The following PPP1R14C variants were observed in gnomAD, a reference collection of about 807,000 sequenced individuals.
PPP1R14C encodes protein phosphatase 1 regulatory subunit 14C.
PPP1R14C carries 16 observed loss-of-function variants against 20.4 expected under a neutral mutation model. The ratio of observed to expected loss-of-function variants is 0.78; its 90% CI spans 0.53 to 1.19. The LOEUF is 1.19. Ranked by LOEUF, PPP1R14C falls within the 50% of genes most tolerant of loss-of-function variation. The pLI is 0.00. For synonymous variants in PPP1R14C, 91 were observed against 91.0 expected (o/e 1.00, Z 0.00); for missense variants, 211 against 220.1 (o/e 0.96, Z 0.26).
At chr6:150,218,166 G>A (rs1778118470) in intron 3 of PPP1R14C, among the ~76,000 whole-genome samples, 1 of 152,074 alleles carries the variant, frequency 6.6e-6, no homozygotes, top group South Asian at 2.1e-4. Context: ...CACTTTGGGG[G>A]GCCGAGACGG....
intron 1 of PPP1R14C, among the ~76,000 whole-genome samples, chr6:150,169,758 T>C (rs1777476639): frequency 6.6e-6 from 1 of 152,214 alleles, no homozygotes; most frequent in Non-Finnish European, 1.5e-5. Flanking sequence ...CCCCACATCT[T>C]AGTGGCTTAA....
intron 1 of PPP1R14C, among the ~76,000 whole-genome samples, chr6:150,192,549 C>G (rs1027453849): frequency 6.6e-6 from 1 of 152,132 alleles, no homozygotes; most frequent in Non-Finnish European, 1.5e-5. Context: ...CCCAAACAGG[C>G]CATGGACCAG....
chr6:150,202,246 C>T (rs1387946658), intron 1 of PPP1R14C, among the ~76,000 whole-genome samples: 2 of 152,164 alleles, frequency 1.3e-5, no homozygotes, highest in African/African-American at 4.8e-5. Context: ...GGCTTGCCAG[C>T]CTTGAGTCTC....
At chr6:150,174,981 A>AG (rs1222058147) in intron 1 of PPP1R14C, among the ~76,000 whole-genome samples, 50 of 149,270 alleles carry the variant, frequency 3.3e-4, no homozygotes, top group South Asian at 8.6e-4. Context: ...AAAAAAAAAA[A>AG]GTAGTGAAGA....
chr6:150,212,837 C>T (rs537294841), intron 1 of PPP1R14C, among the ~76,000 whole-genome samples: 4 of 152,304 alleles, frequency 2.6e-5, no homozygotes, highest in African/African-American at 7.2e-5. Context: ...TCCGGGTTTA[C>T]AGCCTAGGAG....
rs559094401 is a variant in PPP1R14C, at chr6:150,195,162, T to C, written c.307-19582T>C. On this transcript the variant is annotated intron_variant, in intron 1 of 3. Transcript: ENST00000361131. ...TGAACATTTCAGAAAATGAGTTTTA[T>C]GGTAGTTTTAAGCCTAAGCATTTTA... is the stretch of plus-strand genomic sequence containing the variant. 34 of 984,730 alleles carry C rather than the reference T, an allele frequency of 3.5e-5. No individual in the cohort carries two copies. In the Admixed American group the frequency reaches 6.1e-4, roughly 18 times the overall value. 61.0% of individuals were successfully genotyped at this position (984,730 alleles called of 1,614,324 possible).
rs770619105 is a variant in PPP1R14C, at chr6:150,143,786, G to C, written c.306+288G>C. Among the ~76,000 whole-genome samples the C allele has an allele frequency of 2.0e-5, 3 of 152,118 alleles. No individual in the cohort carries two copies. The highest frequency in any genetic ancestry group is 4.4e-5 in the Non-Finnish European group (3 of 68,014). On this transcript the variant is annotated intron_variant, in intron 1 of 3. Transcript: ENST00000361131. The surrounding 1 kb of genome is among the most constrained non-coding windows in gnomAD (Gnocchi z 5.6). ...CGCGGAGCACAGTGCTTTTCTCCGA[G>C]CTCCGGGCGCCTCTGGGCTCCAGCT... is the stretch of plus-strand genomic sequence containing the variant.
intron 1 of PPP1R14C, among the ~76,000 whole-genome samples, chr6:150,195,599 C>A (rs1777794765): frequency 6.6e-6 from 1 of 152,196 alleles, no homozygotes; most frequent in East Asian, 1.9e-4. Flanking sequence ...CTTGGCCTCC[C>A]AAAATGCTGG....
At chr6:150,190,660 C>T (rs1202683211) in intron 1 of PPP1R14C, among the ~76,000 whole-genome samples, 1 of 152,062 alleles carries the variant, frequency 6.6e-6, no homozygotes, top group Non-Finnish European at 1.5e-5. Context: ...TTCTTGAGCT[C>T]GTGATCCACT....
intron 3 of PPP1R14C, among the ~76,000 whole-genome samples, chr6:150,223,942 T>G (rs561560887): frequency 6.6e-6 from 1 of 152,338 alleles, no homozygotes; most frequent in Admixed American, 6.5e-5. Flanking sequence ...ATCATTTAGA[T>G]TTTTCTCCTA....
At chr6:150,197,560 G>A (rs550889817) in intron 1 of PPP1R14C, among the ~76,000 whole-genome samples, 5 of 152,370 alleles carry the variant, frequency 3.3e-5, no homozygotes, top group South Asian at 4.1e-4. Flanking sequence ...TGATTTCCAG[G>A]CTGCCGTGGG....
chr6:150,152,400 G>C (rs1337110170), intron 1 of PPP1R14C, among the ~76,000 whole-genome samples: 1 of 152,154 alleles, frequency 6.6e-6, no homozygotes, highest in African/African-American at 2.4e-5. Context: ...AATCCAGGTG[G>C]GATCTTGTTC....
At chr6:150,168,904 TCTCA>T (rs201624592) in intron 1 of PPP1R14C, among the ~76,000 whole-genome samples, 1,634 of 152,352 alleles carry the variant, frequency 0.011, 31 homozygotes, top group African/African-American at 0.037. Flanking sequence ...TGAGACAGAT[TCTCA>T]CTCTGTAGCC....
chr6:150,199,315 T>A (rs887662010), intron 1 of PPP1R14C, among the ~76,000 whole-genome samples: 2 of 152,144 alleles, frequency 1.3e-5, no homozygotes, highest in African/African-American at 4.8e-5. Context: ...GTGTTGAAAT[T>A]TAATGGCTAA....
chr6:150,143,266 G>T lies in PPP1R14C; in HGVS notation c.74G>T (p.Ser25Ile), dbSNP rs753192366. Residue 25 changes from serine to isoleucine, a missense_variant, in exon 1 of 4, where the codon AGC becomes ATC. Physicochemically the swap from Ser to Ile is moderately radical, Grantham distance 142. Coordinates refer to ENST00000361131, the MANE Select transcript of PPP1R14C (RefSeq NM_030949.3). This position sits in a 1 kb window ranked among gnomAD's most constrained non-coding sequence, Gnocchi z 5.6. The stretch of plus-strand genomic sequence containing the variant: ...GGCGGCGCACGGGTTTTCTTCCAAA[G>T]CCCCCGGGGTGGCGCCGGTGGCAGC... ...SGGGARVFFQ[S>I]PRGGAGGSPG... The T allele has an allele frequency of 2.7e-6, 4 of 1,488,052 alleles. No homozygotes were observed. Among genetic ancestry groups the T allele is most frequent in the Non-Finnish European group, 3.5e-6 (4 of 1,129,124 alleles). The allele number at this position is 1,488,052 out of a possible 1,614,324, so 92.2% of individuals were successfully genotyped here. A position where few individuals can be genotyped will look rare whatever the true frequency, so the allele number is the denominator to read the frequency against.
At chr6:150,237,468 G>T (rs958156898) in intron 3 of PPP1R14C, among the ~76,000 whole-genome samples, 4 of 152,116 alleles carry the variant, frequency 2.6e-5, no homozygotes, top group Non-Finnish European at 4.4e-5. Flanking sequence ...CTCCCACAGT[G>T]CTGGGATTAC....
At chr6:150,220,756 C>T (rs1778157537) in intron 3 of PPP1R14C, among the ~76,000 whole-genome samples, 1 of 152,200 alleles carries the variant, frequency 6.6e-6, no homozygotes, top group African/African-American at 2.4e-5. Context: ...ACTGCATTTT[C>T]TCATGGAAAT....
In PPP1R14C at chr6:150,218,390, G is replaced by A. The variant is rs528019293; in HGVS notation, c.423+1534G>A. ...TGCACTCCAGCCTGGGCGACAGAGC[G>A]AGACTCCGTCTCAGAAAAAAAAAGA... is the stretch of plus-strand genomic sequence containing the variant. On this transcript the variant is annotated intron_variant, in intron 3 of 3. Transcript: ENST00000361131. Among the ~76,000 whole-genome samples the A allele has an allele frequency of 6.0e-5, 9 of 151,130 alleles. No individual in the cohort carries two copies. In the South Asian group the frequency reaches 1.1e-3, roughly 18 times the overall value.
chr6:150,175,275 C>T (rs73007939), intron 1 of PPP1R14C, among the ~76,000 whole-genome samples: 2 of 152,186 alleles, frequency 1.3e-5, no homozygotes, highest in Non-Finnish European at 2.9e-5. Context: ...TGCTGAGAGC[C>T]GTGGAGAAGG....
Sources: allele counts gnomAD v4.1 joint callset (sites outside exome capture counted in the v4.1 genomes callset), GRCh38; gene constraint gnomAD v4.1.1; non-coding constraint Gnocchi (gnomAD v3.1); transcripts MANE v1.5; gene names NCBI Gene and HGNC (gene_info 2026-07-23, HGNC 2026-07-21).